Variants in AMH observed in about 807,000 individuals in gnomAD.
AMH encodes anti-Muellerian hormone.
In AMH, 39 loss-of-function variants were observed where a neutral mutation model predicts 33.3. That is an observed-to-expected ratio of 1.17 (90% CI 0.91 to 1.53). AMH has a LOEUF of 1.53. Among genes scored for constraint, AMH ranks in the 40% most tolerant of loss-of-function variants. The pLI is 0.00. For missense variants in AMH, 1,019 were observed against 799.8 expected (o/e 1.27, Z -3.30); for synonymous variants, 536 against 403.0 (o/e 1.33, Z -3.95).
chr19:2,252,005 G>C lies in AMH; in HGVS notation c.*48G>C, dbSNP rs770457353. 310 of 1,527,790 alleles carry C rather than the reference G, an allele frequency of 2.0e-4. No individual in the cohort carries two copies. Among genetic ancestry groups the C allele is most frequent in the Non-Finnish European group, 2.6e-4 (296 of 1,142,670 alleles). 94.6% of individuals were successfully genotyped at this position (1,527,790 alleles called of 1,614,324 possible). A position where few individuals can be genotyped will look rare whatever the true frequency, so the allele number is the denominator to read the frequency against. On this transcript the variant is annotated 3_prime_UTR_variant, in exon 5 of 5. Coordinates refer to ENST00000221496, the MANE Select transcript of AMH (RefSeq NM_000479.5). ...GCCCCGAGGGTCCGGACGCGCCCCA[G>C]CTCGCGCCCCTTCCCATATTTATTC...
At position 2,252,050 on chromosome 19, in the gene AMH, A is replaced by G; in HGVS notation, c.*93A>G. Reference sequence around the variant, plus strand: ...TTATTCGGACCCCAAGCATCGCCCCAATAAAGACCAGCAAGCAACCGGCTG... The same window carrying G: ...TTATTCGGACCCCAAGCATCGCCCCGATAAAGACCAGCAAGCAACCGGCTG... On this transcript the variant is annotated 3_prime_UTR_variant, in exon 5 of 5. Transcript: ENST00000221496. 1 of 1,497,462 alleles carries G rather than the reference A, an allele frequency of 6.7e-7. No individual in the cohort carries two copies. Among genetic ancestry groups the G allele is most frequent in the Non-Finnish European group, 8.9e-7 (1 of 1,119,466 alleles). 92.8% of individuals were successfully genotyped at this position (1,497,462 alleles called of 1,614,324 possible). A position where few individuals can be genotyped will look rare whatever the true frequency, so the allele number is the denominator to read the frequency against.
chr19:2,251,668 G>T lies in AMH; in HGVS notation c.1394G>T (p.Arg465Leu). 1.2e-6 allele frequency: 2 copies of T among 1,607,618 alleles called. No homozygotes were observed. The highest frequency in any genetic ancestry group is 1.1e-5 in the South Asian group (1 of 90,764). ...ATAADGPCALRELSVDLRAER... is the reference protein window; with the variant it reads ...ATAADGPCALLELSVDLRAER... ...GCCGCCGACGGGCCGTGCGCGCTGC[G>T]CGAGCTCAGCGTAGACCTCCGCGCC... is the stretch of plus-strand genomic sequence containing the variant. The change falls in exon 5 of 5, where the codon CGC becomes CTC. Residue 465 changes from arginine (R) to leucine (L), a missense_variant. Physicochemically the swap from Arg to Leu is moderately radical, Grantham distance 102. Transcript: ENST00000221496.
rs2025042203 is a variant in AMH, at chr19:2,251,480, G to C, written c.1206G>C (p.Pro402=). ...CGGGTCTGCCTCCGGCCACAGCCCCGCTGCTGGCGCGCCTGCTCGCGCTCT... is the reference window on the plus strand; with the variant it reads ...CGGGTCTGCCTCCGGCCACAGCCCCCCTGCTGGCGCGCCTGCTCGCGCTCT... ...SLPGLPPATA[P]LLARLLALCP... Residue 402 remains proline, a synonymous_variant, in exon 5 of 5, where the codon CCG becomes CCC. Coordinates refer to ENST00000221496, the MANE Select transcript of AMH (RefSeq NM_000479.5). 2.9e-6 allele frequency: 4 copies of C among 1,384,012 alleles called. No individual in the cohort carries two copies. The Admixed American group carries it at 1.4e-4, about 48-fold the overall frequency. 85.7% of individuals were successfully genotyped at this position (1,384,012 alleles called of 1,614,324 possible).
At position 2,250,976 on chromosome 19, in the gene AMH, C is replaced by G; in HGVS notation, c.792C>G (p.Gly264=). The G allele has an allele frequency of 6.6e-7, 1 of 1,519,638 alleles. No homozygotes were observed. The highest frequency in any genetic ancestry group is 8.8e-7 in the Non-Finnish European group (1 of 1,141,206). The allele number at this position is 1,519,638 out of a possible 1,614,324, so 94.1% of individuals were successfully genotyped here. The change falls in exon 4 of 5, where the codon GGC becomes GGG. Residue 264 remains glycine (G), a synonymous_variant. Coordinates refer to ENST00000221496, the MANE Select transcript of AMH (RefSeq NM_000479.5). ...RSEPAPLPAH[G]QLDTVPFPPP... ...AGCCCGCGCCGCTGCCTGCGCACGG[C>G]CAGCTGGACACCGTGCCCTTCCCGC...
rs1247203277 is a variant in AMH, at chr19:2,251,148, G to T, written c.874G>T (p.Glu292Ter). The change falls in exon 5 of 5, where the codon GAG becomes TAG. Residue 292 changes from glutamate to a stop codon, truncating the protein, a stop_gained. Transcript: ENST00000221496. LOFTEE classifies it low-confidence loss of function (END_TRUNC). ...ESPPSADPFL[E>*]TLTRLVRALR... ...GCCACCCAGCGCAGACCCCTTCCTGGAGACGCTCACGCGCCTGGTGCGGGC... is the reference window on the plus strand; with the variant it reads ...GCCACCCAGCGCAGACCCCTTCCTGTAGACGCTCACGCGCCTGGTGCGGGC... The T allele has an allele frequency of 3.9e-6, 6 of 1,529,488 alleles. No individual in the cohort carries two copies. In the Admixed American group the frequency reaches 9.8e-5, roughly 25 times the overall value. The allele number at this position is 1,529,488 out of a possible 1,614,324, so 94.7% of individuals were successfully genotyped here.
Position 2,251,816 on chromosome 19 carries a change from G to A in AMH, c.1542G>A (p.Gln514=), listed in dbSNP as rs1330487943. The change falls in exon 5 of 5, where the codon CAG becomes CAA. Residue 514 remains glutamine (Q), a synonymous_variant. Transcript: ENST00000221496. ...ACGTGGTGCTGCTGCTGAAGATGCA[G>A]GTCCGTGGGGCCGCCCTGGCGCGCC... ...GNHVVLLLKM[Q]VRGAALARPP... 8.7e-6 allele frequency: 14 copies of A among 1,606,268 alleles called. No homozygotes were observed. The highest frequency in any genetic ancestry group is 1.2e-5 in the Non-Finnish European group (14 of 1,178,890).
Position 2,251,170 on chromosome 19 carries a change from G to T in AMH, c.896G>T (p.Arg299Leu). ...CTGGAGACGCTCACGCGCCTGGTGC[G>T]GGCGCTGCGGGTCCCCCCGGCCCGG... ...PFLETLTRLV[R>L]ALRVPPARAS... The change falls in exon 5 of 5, where the codon CGG (arginine) becomes CTG (leucine). Residue 299 changes from arginine to leucine, a missense_variant. Coordinates refer to ENST00000221496, the MANE Select transcript of AMH (RefSeq NM_000479.5). 1 of 1,515,908 alleles carries T rather than the reference G, an allele frequency of 6.6e-7. No homozygotes were observed. The highest frequency in any genetic ancestry group is 8.8e-7 in the Non-Finnish European group (1 of 1,138,632). 93.9% of individuals were successfully genotyped at this position (1,515,908 alleles called of 1,614,324 possible). A position where few individuals can be genotyped will look rare whatever the true frequency, so the allele number is the denominator to read the frequency against.
chr19:2,249,606 T>G lies in AMH; in HGVS notation c.274T>G (p.Trp92Gly). The G allele has an allele frequency of 6.5e-7, 1 of 1,548,472 alleles. No homozygotes were observed. The highest frequency in any genetic ancestry group is 2.4e-5 in the East Asian group (1 of 42,190). ...CCTGGGGGCCGTGCAGAGGGCCCGC[T>G]GGGGCCCCCGAGACCTGGCCACCTT... ...AFLGAVQRAR[W>G]GPRDLATFGV... Residue 92 changes from tryptophan to glycine, a missense_variant, in exon 1 of 5, where the codon TGG (tryptophan) becomes GGG (glycine). Physicochemically the swap from Trp to Gly is radical, Grantham distance 184 (BLOSUM62 -2). Coordinates refer to ENST00000221496, the MANE Select transcript of AMH (RefSeq NM_000479.5).
chr19:2,251,229 G>C lies in AMH; in HGVS notation c.955G>C (p.Ala319Pro). The change falls in exon 5 of 5, where the codon GCG becomes CCG. Residue 319 changes from alanine (A) to proline (P), a missense_variant. Physicochemically the swap from Ala to Pro is conservative, Grantham distance 27. Transcript: ENST00000221496. ...GCCGCGCCTGGCCCTGGATCCGGAC[G>C]CGCTGGCCGGCTTCCCGCAGGGCCT... ...SAPRLALDPD[A>P]LAGFPQGLVN... 2 of 1,502,282 alleles carry C rather than the reference G, an allele frequency of 1.3e-6. No homozygotes were observed. Among genetic ancestry groups the C allele is most frequent in the Non-Finnish European group, 8.8e-7 (1 of 1,133,186 alleles). 93.1% of individuals were successfully genotyped at this position (1,502,282 alleles called of 1,614,324 possible).
Position 2,251,663 on chromosome 19 carries a change from G to T in AMH, c.1389G>T (p.Ala463=). The stretch of plus-strand genomic sequence containing the variant: ...CCACCGCCGCCGACGGGCCGTGCGC[G>T]CTGCGCGAGCTCAGCGTAGACCTCC... ...AGATAADGPC[A]LRELSVDLRA... Residue 463 remains alanine (A), a synonymous_variant, in exon 5 of 5, where the codon GCG becomes GCT. Coordinates refer to ENST00000221496, the MANE Select transcript of AMH (RefSeq NM_000479.5). 1 of 1,605,868 alleles carries T rather than the reference G, an allele frequency of 6.2e-7. No individual in the cohort carries two copies. Among genetic ancestry groups the T allele is most frequent in the Non-Finnish European group, 8.5e-7 (1 of 1,177,324 alleles).
rs768982663 is a variant in AMH, at chr19:2,251,908, G to T, written c.1634G>T (p.Ser545Ile). 1 of 1,563,880 alleles carries T rather than the reference G, an allele frequency of 6.4e-7. No individual in the cohort carries two copies. Among genetic ancestry groups the T allele is most frequent in the Non-Finnish European group, 8.6e-7 (1 of 1,163,228 alleles). ...ATCAGCCTGTCGGAGGAGCGCATCA[G>T]CGCGCACCACGTGCCCAACATGGTG... ...LLISLSEERI[S>I]AHHVPNMVAT... The change falls in exon 5 of 5, where the codon AGC becomes ATC. Residue 545 changes from serine (S) to isoleucine (I), a missense_variant. Ser to Ile is a moderately radical substitution (Grantham distance 142). Coordinates refer to ENST00000221496, the MANE Select transcript of AMH (RefSeq NM_000479.5).
In AMH at chr19:2,249,656, G is replaced by T. The variant is rs951039429; in HGVS notation, c.324G>T (p.Arg108Ser). The T allele has an allele frequency of 6.6e-7, 1 of 1,514,396 alleles. No homozygotes were observed. Among genetic ancestry groups the T allele is most frequent in the Admixed American group, 2.2e-5 (1 of 46,006 alleles). 93.8% of individuals were successfully genotyped at this position (1,514,396 alleles called of 1,614,324 possible). Reference sequence around the variant, plus strand: ...TCGGGGTCTGCAACACCGGTGACAGGCAGGCTGCCTTGCCCTCTCTACGGC... The same window carrying T: ...TCGGGGTCTGCAACACCGGTGACAGTCAGGCTGCCTTGCCCTCTCTACGGC... ...ATFGVCNTGD[R>S]QAALPSLRRL... Residue 108 changes from arginine (R) to serine (S), a missense_variant, in exon 1 of 5, where the codon AGG becomes AGT. Coordinates refer to ENST00000221496, the MANE Select transcript of AMH (RefSeq NM_000479.5).
rs748647281 is a variant in AMH at position 2,251,911 on chromosome 19, C to A, written c.1637C>A (p.Ala546Glu). ...AGCCTGTCGGAGGAGCGCATCAGCG[C>A]GCACCACGTGCCCAACATGGTGGCC... Reference protein sequence around the residue: ...LISLSEERISAHHVPNMVATE... With the variant: ...LISLSEERISEHHVPNMVATE... Residue 546 changes from alanine to glutamate, a missense_variant, in exon 5 of 5, where the codon GCG becomes GAG. Coordinates refer to ENST00000221496, the MANE Select transcript of AMH (RefSeq NM_000479.5). 3 of 1,561,342 alleles carry A rather than the reference C, an allele frequency of 1.9e-6. No individual in the cohort carries two copies. The South Asian group carries it at 3.5e-5, about 18-fold the overall frequency.
chr19:2,250,028 CCTT>C lies in AMH; in HGVS notation c.412+289_412+291del, dbSNP rs967688846. ...ACGCAGGGCTCGGGGCCAGTGGAAC[CCTT>C]CTTCCCACAGCCCCAGCCTGTTCTC... On this transcript the variant is annotated intron_variant, in intron 1 of 4. Transcript: ENST00000221496. 13 of 611,692 alleles carry C rather than the reference CCTT, an allele frequency of 2.1e-5. No homozygotes were observed. In the African/African-American group the frequency reaches 2.2e-4, roughly 10 times the overall value. The allele number at this position is 611,692 out of a possible 1,614,324, so 37.9% of individuals were successfully genotyped here. A position where few individuals can be genotyped will look rare whatever the true frequency, so the allele number is the denominator to read the frequency against.
rs752466718 is a variant in AMH at position 2,251,183 on chromosome 19, C to T, written c.909C>T (p.Val303=). 1.4e-4 allele frequency: 206 copies of T among 1,509,268 alleles called. 1 individual carries two copies. The African/African-American group carries it at 2.4e-3, about 17-fold the overall frequency. 93.5% of individuals were successfully genotyped at this position (1,509,268 alleles called of 1,614,324 possible). ...CGCGCCTGGTGCGGGCGCTGCGGGTCCCCCCGGCCCGGGCCTCCGCGCCGC... is the reference window on the plus strand; with the variant it reads ...CGCGCCTGGTGCGGGCGCTGCGGGTTCCCCCGGCCCGGGCCTCCGCGCCGC... The part of the protein sequence containing the change: ...TLTRLVRALR[V]PPARASAPRL... Residue 303 remains valine (V), a synonymous_variant, in exon 5 of 5, where the codon GTC becomes GTT. Coordinates refer to ENST00000221496, the MANE Select transcript of AMH (RefSeq NM_000479.5).
rs751229805 is a variant in AMH at position 2,251,861 on chromosome 19, C to G, written c.1587C>G (p.Thr529=). ...CGCGCCCACCCTGCTGCGTGCCCAC[C>G]GCCTACGCGGGCAAGCTGCTCATCA... ...ALARPPCCVP[T]AYAGKLLISL... The change falls in exon 5 of 5, where the codon ACC becomes ACG. Residue 529 remains threonine, a synonymous_variant. Coordinates refer to ENST00000221496, the MANE Select transcript of AMH (RefSeq NM_000479.5). The G allele has an allele frequency of 2.5e-6, 4 of 1,591,330 alleles. No homozygotes were observed. The highest frequency in any genetic ancestry group is 2.7e-5 in the African/African-American group (2 of 74,628).
intron 1 of AMH, 111 bp downstream of exon 1, chr19:2,249,855 G>A (rs2024998305): frequency 7.8e-7 from 1 of 1,284,348 alleles, no homozygotes; most frequent in South Asian, 1.7e-5. Flanking sequence ...CAGGGAGGCT[G>A]TGGTCTTGTT....
intron 1 of AMH, chr19:2,250,028 C>A (rs1568392881): frequency 1.6e-6 from 1 of 611,810 alleles, no homozygotes; most frequent in Non-Finnish European, 2.9e-6. Flanking sequence ...CCAGTGGAAC[C>A]CTTCTTCCCA....
chr19:2,249,625 CCA>C lies in AMH; in HGVS notation c.295_296del (p.Thr99LeufsTer8). On this transcript the variant is annotated frameshift_variant, in exon 1 of 5. Coordinates refer to ENST00000221496, the MANE Select transcript of AMH (RefSeq NM_000479.5). LOFTEE classifies it high-confidence loss of function. ...GCCCGCTGGGGCCCCCGAGACCTGGCCACCTTCGGGGTCTGCAACACCGGTGA... is the reference window on the plus strand; with the variant it reads ...GCCCGCTGGGGCCCCCGAGACCTGGCCCTTCGGGGTCTGCAACACCGGTGA... 6.5e-7 allele frequency: 1 copy of C among 1,537,576 alleles called. No individual in the cohort carries two copies. Among genetic ancestry groups the C allele is most frequent in the Non-Finnish European group, 8.7e-7 (1 of 1,143,828 alleles).
Sources: gnomAD v4.1 joint callset for allele counts on GRCh38, gnomAD v4.1.1 for gene constraint, MANE v1.5 for transcripts, NCBI Gene and HGNC (gene_info 2026-07-23, HGNC 2026-07-21) for gene names.